ELF4: variants seen among roughly 807,000 people sequenced by gnomAD.
The protein encoded by ELF4 is ETS-related transcription factor Elf-4.
A neutral mutation model predicts 31.7 loss-of-function variants in ELF4; 10 were observed. That is an observed-to-expected ratio of 0.32 (90% CI 0.19 to 0.54). The LOEUF is 0.54. Ranked by LOEUF, ELF4 falls within the 20% of genes least tolerant of loss-of-function variation. The pLI, the probability that ELF4 is intolerant of heterozygous loss-of-function variation, is 0.95. For synonymous variants in ELF4, 208 were observed against 226.7 expected (o/e 0.92, Z 0.74); for missense variants, 418 against 522.0 (o/e 0.80, Z 1.94).
At chrX:130,097,019 G>A (rs776698101) in intron 1 of ELF4, among the ~76,000 whole-genome samples, 17 of 110,072 alleles carry the variant, frequency 1.5e-4, no homozygotes, top group African/African-American at 5.0e-4. Flanking sequence ...GCAAGGGGCC[G>A]GGCATGGTGG....
intron 5 of ELF4, among the ~76,000 whole-genome samples, chrX:130,071,885 C>T (rs980296247): frequency 1.8e-5 from 2 of 112,417 alleles, no homozygotes; most frequent in Non-Finnish European, 3.8e-5. Context: ...GATAAGCACC[C>T]GGCATGACTG....
intron 1 of ELF4, among the ~76,000 whole-genome samples, chrX:130,082,709 G>T (rs750539403): frequency 9.0e-6 from 1 of 110,680 alleles, no homozygotes; most frequent in East Asian, 2.9e-4. Flanking sequence ...GCCTCCCACA[G>T]CCCCAGCCCT....
chrX:130,088,628 G>A (rs6637688), intron 1 of ELF4, among the ~76,000 whole-genome samples: 10,437 of 109,085 alleles, frequency 0.096, 404 homozygotes, highest in East Asian at 0.21. Flanking sequence ...CAAGAGAATC[G>A]CTTGAACCTG....
chrX:130,096,426 C>T (rs949873089), intron 1 of ELF4, among the ~76,000 whole-genome samples: 4 of 110,810 alleles, frequency 3.6e-5, no homozygotes, highest in African/African-American at 9.9e-5. Context: ...TCAAGTGATC[C>T]GCCCACCTCA....
intron 1 of ELF4, among the ~76,000 whole-genome samples, chrX:130,089,336 C>G (rs552211354): frequency 1.0e-4 from 11 of 105,132 alleles, no homozygotes; most frequent in Admixed American, 1.0e-3. Context: ...AACCCTGTCT[C>G]TACTAAAAAA....
chrX:130,067,963 C>T (rs1383998992), intron 8 of ELF4, among the ~76,000 whole-genome samples: 1 of 111,658 alleles, frequency 9.0e-6, no homozygotes, highest in Non-Finnish European at 1.9e-5. Context: ...TAGGCGAGCA[C>T]CACTACACCC....
At chrX:130,100,478 G>A (rs113058265) in intron 1 of ELF4, among the ~76,000 whole-genome samples, 1 of 111,119 alleles carries the variant, frequency 9.0e-6, no homozygotes, top group East Asian at 2.8e-4. Context: ...AAGCCCAGTT[G>A]GTCTCCTCAT....
chrX:130,101,723 C>T (rs963988280), intron 1 of ELF4, among the ~76,000 whole-genome samples: 3 of 110,251 alleles, frequency 2.7e-5, no homozygotes, highest in East Asian at 2.8e-4. Context: ...CGCTTGAACC[C>T]GGGAGGCAGA....
intron 1 of ELF4, among the ~76,000 whole-genome samples, chrX:130,108,126 T>C (rs1225647533): frequency 9.1e-6 from 1 of 110,359 alleles, no homozygotes; most frequent in Non-Finnish European, 1.9e-5. Flanking sequence ...GAGAATCACT[T>C]GAACCTGGGA....
chrX:130,071,162 G>A lies in ELF4; in HGVS notation c.687C>T (p.Ile229=), dbSNP rs1397287144. 1.7e-6 allele frequency: 2 copies of A among 1,211,802 alleles called. No individual in the cohort carries two copies. Among genetic ancestry groups the A allele is most frequent in the Admixed American group, 4.3e-5 (2 of 46,040 alleles). ...TGCCTTTCTCTCGCTGGGTCCACTT[G>A]ATGTACTTGGGACAGGTGTTTCTGT... ...LQDRNTCPKY[I]KWTQREKGIF... Residue 229 remains isoleucine (I), a synonymous_variant, in exon 7 of 9, where the codon ATC becomes ATT. Transcript: ENST00000308167.
In ELF4 at chrX:130,065,129, G is replaced by A. The variant is rs1194028601; in HGVS notation, c.*1592C>T. 5.8e-6 allele frequency: 1 copy of A among 173,275 alleles called. No homozygotes were observed. Among genetic ancestry groups the A allele is most frequent in the Non-Finnish European group, 1.1e-5 (1 of 90,828 alleles). The allele number at this position is 173,275 out of a possible 1,213,427, so 14.3% of individuals were successfully genotyped here. On this transcript the variant is annotated 3_prime_UTR_variant, in exon 9 of 9. Transcript: ENST00000308167. The stretch of plus-strand genomic sequence containing the variant: ...CCAGGGGAGGTAGTTAGGTCAAGTG[G>A]ATGGTTCTGTACCAAGGACACAGCA...
rs768552017 is a variant in ELF4 at position 130,066,288 on chromosome X, AACTAAGAT to A, written c.*425_*432del. On this transcript the variant is annotated 3_prime_UTR_variant, in exon 9 of 9. Coordinates refer to ENST00000308167, the MANE Select transcript of ELF4 (RefSeq NM_001421.4). ...GCTACAGCCCTGTCCTCCCCAAAGA[AACTAAGAT>A]ACAGACCAACAAGTACACACAAGTA... 55 of 192,982 alleles carry A rather than the reference AACTAAGAT, an allele frequency of 2.9e-4. No homozygotes were observed. The highest frequency in any genetic ancestry group is 4.8e-4 in the Admixed American group (7 of 14,575). 15.9% of individuals were successfully genotyped at this position (192,982 alleles called of 1,213,427 possible). A position where few individuals can be genotyped will look rare whatever the true frequency, so the allele number is the denominator to read the frequency against.
At chrX:130,076,864 GGAT>G (rs1932839438) in intron 2 of ELF4, among the ~76,000 whole-genome samples, 2 of 111,805 alleles carry the variant, frequency 1.8e-5, no homozygotes, top group South Asian at 7.4e-4. Flanking sequence ...TCTGTTTTGT[GGAT>G]GATAATTCTT....
At chrX:130,074,490 C>T (rs193169336) in intron 3 of ELF4, 91 bp downstream of exon 3, 83,107 of 1,148,114 alleles carry the variant, frequency 0.072, 2,419 homozygotes, top group Non-Finnish European at 0.085. Flanking sequence ...CCATTCTGCA[C>T]GGGGTTACTA....
chrX:130,110,146 C>A (rs2124637067), intron 1 of ELF4, among the ~76,000 whole-genome samples, 179 bp downstream of exon 1: 1 of 111,637 alleles, frequency 9.0e-6, no homozygotes, highest in East Asian at 2.9e-4. Context: ...GATCGGGAGC[C>A]CGGGTTCTCC....
chrX:130,104,956 C>T (rs1257040776), intron 1 of ELF4, among the ~76,000 whole-genome samples: 1 of 108,912 alleles, frequency 9.2e-6, no homozygotes, highest in African/African-American at 3.4e-5. Context: ...GTCAGGGGTT[C>T]GAGACCAGGC....
chrX:130,102,884 G>GAGAGAGAAAGAA (rs1216462216), intron 1 of ELF4, among the ~76,000 whole-genome samples: 2 of 43,737 alleles, frequency 4.6e-5, no homozygotes, highest in Admixed American at 3.0e-4. Context: ...GAGAGAGAGA[G>GAGAGAGAAAGAA]AGAAAGAAAG....
rs929848957 is a variant in ELF4, at chrX:130,064,837, G to A, written c.*1884C>T. On this transcript the variant is annotated 3_prime_UTR_variant, in exon 9 of 9. Transcript: ENST00000308167. ...CAGAAACCAGTTTTCAGGTGGGGGC[G>A]GGGCTACCCCAACCCATGCAGCACC... 5.9e-5 allele frequency: 8 copies of A among 134,573 alleles called. No individual in the cohort carries two copies. The highest frequency in any genetic ancestry group is 9.6e-5 in the African/African-American group (3 of 31,355). 11.1% of individuals were successfully genotyped at this position (134,573 alleles called of 1,213,427 possible). A position where few individuals can be genotyped will look rare whatever the true frequency, so the allele number is the denominator to read the frequency against.
chrX:130,095,550 C>T (rs1052983998), intron 1 of ELF4, among the ~76,000 whole-genome samples: 16 of 111,535 alleles, frequency 1.4e-4, no homozygotes, highest in African/African-American at 3.6e-4. Flanking sequence ...CCTGTGGGGC[C>T]GCTTCAACAG....
Sources: allele counts gnomAD v4.1 joint callset (sites outside exome capture counted in the v4.1 genomes callset), GRCh38; gene constraint gnomAD v4.1.1; transcripts MANE v1.5; gene names NCBI Gene and HGNC (gene_info 2026-07-23, HGNC 2026-07-21).